Variants in STX8 observed in about 807,000 individuals in gnomAD.
STX8 encodes the protein syntaxin-8.
Under a neutral mutation model 37.5 loss-of-function variants are expected in STX8, and 23 were observed. The ratio of observed to expected loss-of-function variants is 0.61; its 90% CI spans 0.44 to 0.87. STX8 has a LOEUF of 0.87. Ranked by LOEUF, STX8 falls within the 40% of genes least tolerant of loss-of-function variation. STX8 has a pLI of 0.00. For missense variants in STX8, 313 were observed against 284.7 expected, an observed-to-expected ratio of 1.10 and a Z score of -0.71; for synonymous variants, 115 against 99.1, an observed-to-expected ratio of 1.16 and a Z score of -0.95.
At chr17:9,502,767 T>C (rs1326395062) in intron 5 of STX8, among the ~76,000 whole-genome samples, 1 of 152,068 alleles carries the variant, frequency 6.6e-6, no homozygotes, top group East Asian at 1.9e-4. Flanking sequence ...GATACACAGA[T>C]TGTGGTAAAT....
At chr17:9,465,860 G>A (rs899474886) in intron 6 of STX8, among the ~76,000 whole-genome samples, 1 of 152,284 alleles carries the variant, frequency 6.6e-6, no homozygotes, top group African/African-American at 2.4e-5. Context: ...ACATACAAGG[G>A]ATGAGGTTTG....
At chr17:9,477,647 T>C (rs748792982) in intron 6 of STX8, among the ~76,000 whole-genome samples, 1 of 152,176 alleles carries the variant, frequency 6.6e-6, no homozygotes, top group Non-Finnish European at 1.5e-5. Flanking sequence ...GTAAATAAAA[T>C]ACTGACTACA....
chr17:9,327,384 G>C (rs1339455354), intron 7 of STX8, among the ~76,000 whole-genome samples: 1 of 151,458 alleles, frequency 6.6e-6, no homozygotes, highest in Non-Finnish European at 1.5e-5. Context: ...AGGAGAAGGA[G>C]GGGGAGAGGG....
chr17:9,310,154 A>AAC lies in STX8; in HGVS notation c.644-59510_644-59509insGT, dbSNP rs1555593834. 3.8e-3 allele frequency among the ~76,000 whole-genome samples: 577 copies of AAC among 151,962 alleles called. 4 individuals are homozygous for AAC. Among genetic ancestry groups the AAC allele is most frequent in the African/African-American group, 0.013 (536 of 41,276 alleles). On this transcript the variant is annotated intron_variant, in intron 7 of 7. Coordinates refer to ENST00000306357, the MANE Select transcript of STX8 (RefSeq NM_004853.3). ...ATTTTTCTGGCAAAAGGGGGAAAAA[A>AAC]AACAACATACAAACACACACACAAA...
At chr17:9,496,034 AAAG>A (rs145280012) in intron 5 of STX8, among the ~76,000 whole-genome samples, 25,129 of 151,526 alleles carry the variant, frequency 0.17, 2,219 homozygotes, top group South Asian at 0.24. Context: ...AAAAAGAAAA[AAAG>A]AAGAAGAAAC....
chr17:9,463,957 C>T (rs1390467208), intron 6 of STX8, among the ~76,000 whole-genome samples: 1 of 151,532 alleles, frequency 6.6e-6, no homozygotes, highest in Non-Finnish European at 1.5e-5. Flanking sequence ...CACCTGTAGT[C>T]CCAGCTACTC....
At chr17:9,327,169 AAGAAGAAGAAGAAG>A (rs1909783943) in intron 7 of STX8, among the ~76,000 whole-genome samples, 1 of 148,428 alleles carries the variant, frequency 6.7e-6, no homozygotes, top group African/African-American at 2.6e-5. Flanking sequence ...AAAAAAAAAA[AAGAAGAAGAAGAAG>A]GAAGAAGAAG....
At position 9,255,021 on chromosome 17, in the gene STX8, C is replaced by A. The variant is rs139425836; in HGVS notation, c.644-4376G>T. On this transcript the variant is annotated intron_variant, in intron 7 of 7. Transcript: ENST00000306357. ...AATTCAAAAAGTGGCCAATGCCAAC[C>A]CACAATACTACAGAGACAAGATAGA... Among the ~76,000 whole-genome samples, 57 of 152,174 alleles carry A rather than the reference C, an allele frequency of 3.7e-4. 1 individual carries two copies. In the East Asian group the frequency reaches 8.7e-3, roughly 23 times the overall value.
chr17:9,525,690 AT>A (rs1905539512), intron 4 of STX8, among the ~76,000 whole-genome samples: 1 of 152,164 alleles, frequency 6.6e-6, no homozygotes, highest in South Asian at 2.1e-4. Flanking sequence ...TATGGCTCAT[AT>A]CACACAAAGT....
intron 6 of STX8, among the ~76,000 whole-genome samples, chr17:9,440,454 G>A (rs8077500): frequency 0.18 from 27,001 of 151,636 alleles, 2,967 homozygotes; most frequent in Middle Eastern, 0.28. Context: ...ATTTACTGCA[G>A]TTATCTCCAT....
At position 9,324,786 on chromosome 17, in the gene STX8, A is replaced by G. The variant is rs546453794; in HGVS notation, c.643+53766T>C. On this transcript the variant is annotated intron_variant, in intron 7 of 7. Transcript: ENST00000306357. ...ATCTCAAAAAAAAAAAAAAAAAAAAAAGAGAAGAGCTGGGTCAGCATCACA... is the reference window on the plus strand; with the variant it reads ...ATCTCAAAAAAAAAAAAAAAAAAAAGAGAGAAGAGCTGGGTCAGCATCACA... 2.6e-3 allele frequency among the ~76,000 whole-genome samples: 389 copies of G among 151,182 alleles called. 2 individuals carry two copies. The highest frequency in any genetic ancestry group is 9.1e-3 in the African/African-American group (374 of 41,068).
chr17:9,281,690 T>C (rs1325234474), intron 7 of STX8, among the ~76,000 whole-genome samples: 1 of 152,118 alleles, frequency 6.6e-6, no homozygotes, highest in Non-Finnish European at 1.5e-5. Flanking sequence ...TCCCAGCACT[T>C]TGGGAGGCCG....
intron 7 of STX8, among the ~76,000 whole-genome samples, chr17:9,354,663 A>T (rs906256781): frequency 6.6e-6 from 1 of 152,038 alleles, no homozygotes; most frequent in Non-Finnish European, 1.5e-5. Context: ...CCATTTCTGT[A>T]TTACTTTTTG....
chr17:9,423,173 C>T (rs1913506460), intron 6 of STX8, among the ~76,000 whole-genome samples: 1 of 152,212 alleles, frequency 6.6e-6, no homozygotes, highest in Admixed American at 6.5e-5. Flanking sequence ...TACCTTTCTG[C>T]ACTATCTGTA....
chr17:9,374,406 A>G (rs1911517078), intron 7 of STX8, among the ~76,000 whole-genome samples: 1 of 152,190 alleles, frequency 6.6e-6, no homozygotes, highest in African/African-American at 2.4e-5. Flanking sequence ...TAAACAGGTC[A>G]GGTTAATTTT....
At chr17:9,517,540 AG>A (rs1463584635) in intron 4 of STX8, among the ~76,000 whole-genome samples, 42 of 152,194 alleles carry the variant, frequency 2.8e-4, no homozygotes, top group African/African-American at 8.9e-4. Context: ...AAGAAAACTA[AG>A]GCAGAGACAT....
At position 9,310,882 on chromosome 17, in the gene STX8, A is replaced by C. The variant is rs529251401; in HGVS notation, c.644-60237T>G. Among the ~76,000 whole-genome samples, 42 of 152,282 alleles carry C rather than the reference A, an allele frequency of 2.8e-4. No homozygotes were observed. In the South Asian group the frequency reaches 8.5e-3, roughly 31 times the overall value. On this transcript the variant is annotated intron_variant, in intron 7 of 7. Transcript: ENST00000306357. ...AACACAATCCTAGTTTGATATCTCA[A>C]ATTGCTGTACTTCACTTATGGGAGT...
intron 7 of STX8, among the ~76,000 whole-genome samples, chr17:9,314,207 A>G (rs972685547): frequency 1.3e-5 from 2 of 152,104 alleles, no homozygotes; most frequent in African/African-American, 4.8e-5. Context: ...GCCCTCTATT[A>G]TATCATTTGG....
chr17:9,333,583 G>A (rs549297769), intron 7 of STX8, among the ~76,000 whole-genome samples: 179 of 152,182 alleles, frequency 1.2e-3, no homozygotes, highest in Non-Finnish European at 9.0e-4. Flanking sequence ...TAGAGATGGG[G>A]TTTCACTGTG....
Sources: allele counts gnomAD v4.1 joint callset (sites outside exome capture counted in the v4.1 genomes callset), GRCh38; gene constraint gnomAD v4.1.1; transcripts MANE v1.5; gene names NCBI Gene and HGNC (gene_info 2026-07-23, HGNC 2026-07-21).